GRID2: variants seen among roughly 807,000 people sequenced by gnomAD.
GRID2 encodes glutamate receptor ionotropic, delta-2.
Under a neutral mutation model 114.8 loss-of-function variants are expected in GRID2, and 33 were observed. That is an observed-to-expected ratio of 0.29 (90% CI 0.22 to 0.38). The LOEUF is 0.38. GRID2 is among the 10% of genes least tolerant of loss of function. The pLI is 1.00. For synonymous variants in GRID2, 505 were observed against 449.9 expected (o/e 1.12, Z -1.55); for missense variants, 1,184 against 1,257.7 (o/e 0.94, Z 0.89).
chr4:92,566,306 A>G (rs1040498520), intron 1 of GRID2, among the ~76,000 whole-genome samples: 1 of 151,964 alleles, frequency 6.6e-6, no homozygotes, highest in Non-Finnish European at 1.5e-5. Context: ...AAGATGGAAA[A>G]TGATGCCCCA....
At chr4:93,332,242 C>T (rs1478792212) in intron 8 of GRID2, among the ~76,000 whole-genome samples, 2 of 142,548 alleles carry the variant, frequency 1.4e-5, no homozygotes, top group African/African-American at 5.3e-5. Flanking sequence ...AGTTAAAAGC[C>T]AGAAAAAGAG....
chr4:92,332,970 G>C (rs777766721), intron 1 of GRID2, among the ~76,000 whole-genome samples: 16 of 152,180 alleles, frequency 1.1e-4, no homozygotes, highest in Non-Finnish European at 2.1e-4. Context: ...GTTCCTGCAA[G>C]TCTACTTGGC....
At chr4:92,885,015 A>G (rs1457884260) in intron 2 of GRID2, 1 of 262,520 alleles carries the variant, frequency 3.8e-6, no homozygotes, top group Non-Finnish European at 7.7e-6. Flanking sequence ...ACAGTGTTAC[A>G]GAAACAAGCT....
chr4:93,100,074 T>C (rs540151122), intron 3 of GRID2, among the ~76,000 whole-genome samples: 5 of 152,070 alleles, frequency 3.3e-5, no homozygotes, highest in South Asian at 4.1e-4. Flanking sequence ...AGCATATAAT[T>C]AATCCAAACA....
intron 4 of GRID2, chr4:93,204,072 T>G (rs1742402710): frequency 6.6e-6 from 1 of 152,180 alleles, no homozygotes; most frequent in South Asian, 2.1e-4. Flanking sequence ...CCCTTGACTT[T>G]GCTTAAAAAT....
At chr4:93,086,475 C>T (rs560506071) in intron 3 of GRID2, among the ~76,000 whole-genome samples, 2 of 152,204 alleles carry the variant, frequency 1.3e-5, no homozygotes, top group South Asian at 4.1e-4. Flanking sequence ...TGTGGACTCT[C>T]AGGGAGGGAG....
At chr4:92,439,434 T>C (rs1446657713) in intron 1 of GRID2, among the ~76,000 whole-genome samples, 2 of 151,972 alleles carry the variant, frequency 1.3e-5, no homozygotes, top group African/African-American at 4.8e-5. Context: ...ATAAGAAAAA[T>C]AAAACAAAAT....
intron 4 of GRID2, among the ~76,000 whole-genome samples, chr4:93,129,649 A>G (rs1303260622): frequency 6.6e-6 from 1 of 152,124 alleles, no homozygotes; most frequent in African/African-American, 2.4e-5. Flanking sequence ...ACCTTACTTC[A>G]CCATCATTGC....
intron 8 of GRID2, chr4:93,318,478 G>C (rs772204534): frequency 5.3e-5 from 8 of 151,890 alleles, no homozygotes; most frequent in Non-Finnish European, 8.8e-5. Flanking sequence ...TAAAGATTTA[G>C]GCTACTTAAA....
intron 1 of GRID2, among the ~76,000 whole-genome samples, chr4:92,335,304 C>T (rs959805692): frequency 6.6e-6 from 1 of 152,124 alleles, no homozygotes; most frequent in African/African-American, 2.4e-5. Flanking sequence ...GTGTGACCTA[C>T]AGTGATTTAC....
At chr4:92,889,466 G>T (rs113472276) in intron 2 of GRID2, among the ~76,000 whole-genome samples, 1 of 151,940 alleles carries the variant, frequency 6.6e-6, no homozygotes, top group Non-Finnish European at 1.5e-5. Context: ...AGGCATTCCT[G>T]TACACCAATA....
intron 1 of GRID2, among the ~76,000 whole-genome samples, chr4:92,312,945 T>C (rs552446586): frequency 6.6e-6 from 1 of 151,984 alleles, no homozygotes; most frequent in Non-Finnish European, 1.5e-5. Flanking sequence ...ACTGGATATC[T>C]ACCCAGAGGA....
At chr4:92,848,828 A>G (rs1743537166) in intron 2 of GRID2, among the ~76,000 whole-genome samples, 1 of 151,928 alleles carries the variant, frequency 6.6e-6, no homozygotes, top group Non-Finnish European at 1.5e-5. Context: ...GAGAAAATGT[A>G]GACACATATA....
chr4:92,409,510 C>T (rs902235109), intron 1 of GRID2, among the ~76,000 whole-genome samples: 2 of 151,984 alleles, frequency 1.3e-5, no homozygotes, highest in Non-Finnish European at 2.9e-5. Context: ...TATAGTATTA[C>T]TTTTATAGGT....
chr4:93,323,561 T>C (rs1404786093), intron 8 of GRID2, among the ~76,000 whole-genome samples: 2 of 152,188 alleles, frequency 1.3e-5, no homozygotes, highest in Non-Finnish European at 2.9e-5. Context: ...AACTTTAAAG[T>C]AGTTTTTTCT....
intron 4 of GRID2, among the ~76,000 whole-genome samples, chr4:93,128,522 A>T (rs571219534): frequency 1.3e-5 from 2 of 152,338 alleles, no homozygotes; most frequent in East Asian, 3.9e-4. Context: ...TCAGAACAAA[A>T]GAGAAATGTT....
chr4:93,809,721 A>C (rs957770575), exon 2 of GRID2: 1 of 152,244 alleles, frequency 6.6e-6, no homozygotes, highest in East Asian at 1.9e-4. Context: ...CCTTCTTGCT[A>C]TAAGTCAGAA....
At chr4:93,384,386 T>C (rs1412808300) in intron 8 of GRID2, among the ~76,000 whole-genome samples, 1 of 152,152 alleles carries the variant, frequency 6.6e-6, no homozygotes, top group Non-Finnish European at 1.5e-5. Flanking sequence ...AGTGCTCTGC[T>C]TTTTCTTATC....
intron 2 of GRID2, among the ~76,000 whole-genome samples, chr4:92,867,939 G>A (rs1744991910): frequency 6.6e-6 from 1 of 152,054 alleles, no homozygotes; most frequent in Admixed American, 6.5e-5. Flanking sequence ...AGCTTCCTGG[G>A]TCCCATTTTC....
Sources: allele counts gnomAD v4.1 joint callset (sites outside exome capture counted in the v4.1 genomes callset), GRCh38; gene constraint gnomAD v4.1.1; transcripts MANE v1.5; gene names NCBI Gene and HGNC (gene_info 2026-07-23, HGNC 2026-07-21).